Variants in RIMS1 observed in about 807,000 individuals in gnomAD.
RIMS1 encodes the protein regulating synaptic membrane exocytosis protein 1.
Under a neutral mutation model 214.1 loss-of-function variants are expected in RIMS1, and 83 were observed. The observed-to-expected ratio is 0.39, with a 90% CI of 0.32 to 0.47. The LOEUF (loss-of-function observed/expected upper bound fraction) is 0.47. Ranked by LOEUF, RIMS1 falls within the 20% of genes least tolerant of loss-of-function variation. The pLI is 0.99. For missense variants in RIMS1, 2,050 were observed against 2,161.8 expected, an observed-to-expected ratio of 0.95 and a Z score of 1.03; for synonymous variants, 793 against 786.8, an observed-to-expected ratio of 1.01 and a Z score of -0.13.
At chr6:72,109,001 T>G (rs988370135) in intron 4 of RIMS1, among the ~76,000 whole-genome samples, 25 of 152,110 alleles carry the variant, frequency 1.6e-4, no homozygotes, top group Middle Eastern at 3.4e-3. Context: ...ATTTCCCATT[T>G]CATCCATGTC....
At chr6:72,024,579 C>G (rs947621307) in intron 2 of RIMS1, among the ~76,000 whole-genome samples, 5 of 152,122 alleles carry the variant, frequency 3.3e-5, no homozygotes, top group African/African-American at 1.2e-4. Flanking sequence ...GCAATGGCTT[C>G]TTTACATTTT....
intron 28 of RIMS1, among the ~76,000 whole-genome samples, chr6:72,320,600 C>T (rs556839000): frequency 2.2e-4 from 33 of 152,070 alleles, no homozygotes; most frequent in Non-Finnish European, 3.7e-4. Flanking sequence ...CAGTATAATA[C>T]ACTAAGAAAA....
chr6:71,959,355 A>G (rs756779776), intron 1 of RIMS1, among the ~76,000 whole-genome samples: 6 of 152,144 alleles, frequency 3.9e-5, no homozygotes, highest in Non-Finnish European at 7.4e-5. Flanking sequence ...AATCCCACCA[A>G]GGAACCATTG....
intron 2 of RIMS1, among the ~76,000 whole-genome samples, chr6:72,014,782 C>G (rs952980081): frequency 6.6e-6 from 1 of 152,168 alleles, no homozygotes; most frequent in African/African-American, 2.4e-5. Flanking sequence ...TTTTAGCTAT[C>G]TTAGTGGGTG....
At chr6:72,007,700 G>A (rs1808364167) in intron 2 of RIMS1, among the ~76,000 whole-genome samples, 1 of 152,176 alleles carries the variant, frequency 6.6e-6, no homozygotes, top group African/African-American at 2.4e-5. Flanking sequence ...TAGCTGATTT[G>A]ATCAACTGGA....
At chr6:72,394,024 TAAAA>T (rs79272785) in intron 31 of RIMS1, among the ~76,000 whole-genome samples, 2 of 111,930 alleles carry the variant, frequency 1.8e-5, no homozygotes, top group East Asian at 2.8e-4. Context: ...AATTATGAAC[TAAAA>T]AAAAAAAAAA....
At chr6:71,932,890 T>C (rs1331686093) in intron 1 of RIMS1, among the ~76,000 whole-genome samples, 1 of 152,152 alleles carries the variant, frequency 6.6e-6, no homozygotes, top group African/African-American at 2.4e-5. Context: ...AAAAGGAACA[T>C]AAATTTAAAA....
At position 72,163,573 on chromosome 6, in the gene RIMS1, C is replaced by A. The variant is rs948299771; in HGVS notation, c.472-16002C>A. The stretch of plus-strand genomic sequence containing the variant: ...TAAATGGGTTTTTGGTGTGGATGTC[C>A]TTTCTGTTTGTTAGTTTTCCTTTTA... On this transcript the variant is annotated intron_variant, in intron 4 of 33. Transcript: ENST00000521978. Among the ~76,000 whole-genome samples the A allele has an allele frequency of 1.4e-5, 2 of 140,402 alleles. 1 individual carries two copies. Among genetic ancestry groups the A allele is most frequent in the Non-Finnish European group, 3.2e-5 (2 of 61,862 alleles). The allele number at this position is 140,402 out of a possible 152,430, so 92.1% of individuals were successfully genotyped here.
chr6:72,327,034 AT>A (rs2096495637), intron 28 of RIMS1, among the ~76,000 whole-genome samples: 1 of 151,646 alleles, frequency 6.6e-6, no homozygotes, highest in Non-Finnish European at 1.5e-5. Context: ...AAAGAAACAT[AT>A]TCTCCCCTAA....
chr6:71,925,217 GTTTGGATGAT>G (rs1781252477), intron 1 of RIMS1, among the ~76,000 whole-genome samples: 1 of 152,122 alleles, frequency 6.6e-6, no homozygotes, highest in Non-Finnish European at 1.5e-5. Context: ...GGATTTGTCA[GTTTGGATGAT>G]TAAATGTGAC....
chr6:72,330,434 G>A (rs2096620202), intron 28 of RIMS1, among the ~76,000 whole-genome samples: 2 of 151,808 alleles, frequency 1.3e-5, no homozygotes, highest in Admixed American at 1.3e-4. Flanking sequence ...TTATAGCACA[G>A]TATATTTCTA....
chr6:72,162,632 C>T lies in RIMS1; in HGVS notation c.472-16943C>T, dbSNP rs532092635. Among the ~76,000 whole-genome samples, 2 of 140,194 alleles carry T rather than the reference C, an allele frequency of 1.4e-5. 1 individual carries two copies. Among genetic ancestry groups the T allele is most frequent in the Non-Finnish European group, 3.2e-5 (2 of 61,786 alleles). 92.0% of individuals were successfully genotyped at this position (140,194 alleles called of 152,430 possible). On this transcript the variant is annotated intron_variant, in intron 4 of 33. Coordinates refer to ENST00000521978, the MANE Select transcript of RIMS1 (RefSeq NM_014989.7). ...TGCTTGTCTGTAAAGGATTTTATTT[C>T]TCCTTCACTTCTGAAGCTTAGTTTG...
At chr6:71,994,585 T>A (rs1802835614) in intron 2 of RIMS1, among the ~76,000 whole-genome samples, 1 of 152,178 alleles carries the variant, frequency 6.6e-6, no homozygotes. Context: ...GGAGTCTCAA[T>A]CTATTCCTGA....
chr6:72,091,105 C>T (rs1392421456), intron 2 of RIMS1, among the ~76,000 whole-genome samples: 5 of 152,208 alleles, frequency 3.3e-5, no homozygotes, highest in Admixed American at 6.5e-5. Flanking sequence ...CCATTGTACA[C>T]ACATCCTAAA....
At chr6:72,139,527 T>C (rs901695683) in intron 4 of RIMS1, among the ~76,000 whole-genome samples, 7 of 152,300 alleles carry the variant, frequency 4.6e-5, no homozygotes, top group South Asian at 4.1e-4. Context: ...ATTGTCAGTG[T>C]ATCTGCTTCT....
intron 31 of RIMS1, among the ~76,000 whole-genome samples, chr6:72,394,518 C>A (rs115925444): frequency 1.3e-5 from 2 of 151,500 alleles, no homozygotes; most frequent in African/African-American, 4.8e-5. Context: ...TCTAAAACTG[C>A]AAAAAGGAAA....
At chr6:72,309,492 C>T (rs1260198366) in intron 27 of RIMS1, among the ~76,000 whole-genome samples, 1 of 152,050 alleles carries the variant, frequency 6.6e-6, no homozygotes, top group East Asian at 1.9e-4. Flanking sequence ...CTTTGTTCTA[C>T]TTACATCATT....
At chr6:72,373,150 A>T (rs1188072815) in intron 29 of RIMS1, among the ~76,000 whole-genome samples, 1 of 152,178 alleles carries the variant, frequency 6.6e-6, no homozygotes, top group African/African-American at 2.4e-5. Flanking sequence ...TTTATTTTTA[A>T]GGTTTCAATG....
intron 6 of RIMS1, among the ~76,000 whole-genome samples, chr6:72,227,483 A>G (rs1307153063): frequency 2.6e-5 from 4 of 151,820 alleles, no homozygotes. Flanking sequence ...AGAAATTTTG[A>G]TTCTGAGTTC....
Sources: allele counts gnomAD v4.1 joint callset (sites outside exome capture counted in the v4.1 genomes callset), GRCh38; gene constraint gnomAD v4.1.1; transcripts MANE v1.5; gene names NCBI Gene and HGNC (gene_info 2026-07-23, HGNC 2026-07-21).